ST6GALNAC3: variants seen among roughly 807,000 people sequenced by gnomAD.
ST6GALNAC3 encodes the protein ST6 N-acetylgalactosaminide alpha-2,6-sialyltransferase 3.
ST6GALNAC3 carries 25 observed loss-of-function variants against 32.7 expected under a neutral mutation model. The ratio of observed to expected loss-of-function variants is 0.76; its 90% CI spans 0.56 to 1.07. The LOEUF (loss-of-function observed/expected upper bound fraction) is 1.07, where lower values mean the gene tolerates loss of function less well. ST6GALNAC3 is among the 50% of genes least tolerant of loss of function. The pLI is 0.00. For synonymous variants in ST6GALNAC3, 129 were observed against 133.1 expected, an observed-to-expected ratio of 0.97 and a Z score of 0.21; for missense variants, 355 against 382.4, an observed-to-expected ratio of 0.93 and a Z score of 0.60.
intron 1 of ST6GALNAC3, among the ~76,000 whole-genome samples, chr1:76,274,191 TG>T (rs1178617788): frequency 4.6e-5 from 7 of 152,230 alleles, no homozygotes; most frequent in African/African-American, 1.7e-4. Flanking sequence ...TGTGCACCTG[TG>T]GGTACATTAT....
chr1:76,129,823 A>G (rs1194915764), intron 1 of ST6GALNAC3, among the ~76,000 whole-genome samples: 1 of 152,212 alleles, frequency 6.6e-6, no homozygotes, highest in Non-Finnish European at 1.5e-5. Flanking sequence ...GTGAGGCACC[A>G]GAAGAATCCA....
intron 3 of ST6GALNAC3, among the ~76,000 whole-genome samples, chr1:76,519,482 G>A (rs1662378086): frequency 6.6e-6 from 1 of 151,988 alleles, no homozygotes; most frequent in Admixed American, 6.6e-5. Flanking sequence ...ACCTTTCTTT[G>A]AAATGTGAGT....
intron 2 of ST6GALNAC3, among the ~76,000 whole-genome samples, chr1:76,362,481 C>A (rs1431375095): frequency 1.3e-5 from 2 of 152,174 alleles, no homozygotes; most frequent in Non-Finnish European, 1.5e-5. Context: ...AAAGTCTTAA[C>A]TCATTTCAGC....
At chr1:76,474,521 A>G (rs1557458766) in intron 3 of ST6GALNAC3, among the ~76,000 whole-genome samples, 1 of 152,138 alleles carries the variant, frequency 6.6e-6, no homozygotes, top group Non-Finnish European at 1.5e-5. Context: ...GATAAGTCCA[A>G]TTGGCAGTTG....
At chr1:76,386,807 G>A (rs1482548840) in intron 2 of ST6GALNAC3, among the ~76,000 whole-genome samples, 1 of 152,132 alleles carries the variant, frequency 6.6e-6, no homozygotes, top group African/African-American at 2.4e-5. Context: ...TCTGAAAGAG[G>A]AGTATTATCC....
intron 1 of ST6GALNAC3, among the ~76,000 whole-genome samples, chr1:76,290,487 T>C (rs1660022363): frequency 6.6e-6 from 1 of 152,216 alleles, no homozygotes; most frequent in African/African-American, 2.4e-5. Flanking sequence ...GTTTCTGTTT[T>C]GATTTTTTTA....
intron 2 of ST6GALNAC3, among the ~76,000 whole-genome samples, chr1:76,355,614 C>T (rs548214739): frequency 1.3e-5 from 2 of 152,340 alleles, no homozygotes; most frequent in South Asian, 2.1e-4. Flanking sequence ...TAACTTCCAC[C>T]ATAGCCCGAG....
At chr1:76,178,898 TC>T (rs1653007198) in intron 1 of ST6GALNAC3, among the ~76,000 whole-genome samples, 1 of 152,220 alleles carries the variant, frequency 6.6e-6, no homozygotes, top group Admixed American at 6.5e-5. Flanking sequence ...ATTTCTGTCT[TC>T]CTTGTCTACT....
intron 3 of ST6GALNAC3, among the ~76,000 whole-genome samples, chr1:76,619,826 C>T (rs1053775482): frequency 6.6e-6 from 1 of 152,058 alleles, no homozygotes; most frequent in African/African-American, 2.4e-5. Context: ...AGTACAACAT[C>T]ACAGGCCATT....
At chr1:76,537,333 C>T (rs531872895) in intron 3 of ST6GALNAC3, among the ~76,000 whole-genome samples, 4 of 151,978 alleles carry the variant, frequency 2.6e-5, no homozygotes, top group Admixed American at 6.6e-5. Context: ...CAGTGTTAAG[C>T]GGGAAATTTA....
intron 1 of ST6GALNAC3, among the ~76,000 whole-genome samples, chr1:76,139,552 G>T (rs1650185640): frequency 6.6e-6 from 1 of 152,118 alleles, no homozygotes; most frequent in South Asian, 2.1e-4. Flanking sequence ...CTTTTAAACT[G>T]GTATAGCTTT....
intron 1 of ST6GALNAC3, among the ~76,000 whole-genome samples, chr1:76,140,169 T>A (rs1367902971): frequency 2.0e-5 from 3 of 152,212 alleles, no homozygotes; most frequent in African/African-American, 7.2e-5. Context: ...CTTATTGTTT[T>A]TTTTGGTGAA....
chr1:76,600,753 A>G (rs576683663), intron 3 of ST6GALNAC3, among the ~76,000 whole-genome samples: 5 of 152,370 alleles, frequency 3.3e-5, no homozygotes, highest in Non-Finnish European at 5.9e-5. Context: ...ACTTATGAAT[A>G]TGGATTGGCT....
intron 1 of ST6GALNAC3, among the ~76,000 whole-genome samples, chr1:76,237,784 A>G (rs1382102795): frequency 1.3e-5 from 2 of 152,334 alleles, no homozygotes; most frequent in Non-Finnish European, 2.9e-5. Context: ...TGTCATGTGG[A>G]AAGTTTTGTT....
At chr1:76,139,542 C>G (rs1408092995) in intron 1 of ST6GALNAC3, among the ~76,000 whole-genome samples, 2 of 152,138 alleles carry the variant, frequency 1.3e-5, no homozygotes, top group Non-Finnish European at 2.9e-5. Flanking sequence ...AAGCTGAAAG[C>G]TTTTAAACTG....
In ST6GALNAC3 at chr1:76,631,089, G is replaced by C. The variant is rs1046382539; in HGVS notation, c.*2283G>C. 1.6e-5 allele frequency: 15 copies of C among 919,362 alleles called. No homozygotes were observed. Among genetic ancestry groups the C allele is most frequent in the Non-Finnish European group, 1.9e-5 (15 of 769,846 alleles). 57.0% of individuals were successfully genotyped at this position (919,362 alleles called of 1,614,324 possible). ...CCTCGTTGTAGCTTTCTCTGATGAA[G>C]ACTTCTGCAGTATATTGTATCCCTC... is the stretch of plus-strand genomic sequence containing the variant. On this transcript the variant is annotated 3_prime_UTR_variant, in exon 5 of 5. Coordinates refer to ENST00000328299, the MANE Select transcript of ST6GALNAC3 (RefSeq NM_152996.4).
Position 76,632,771 on chromosome 1 carries a change from A to C in ST6GALNAC3, c.*3965A>C, listed in dbSNP as rs948624014. On this transcript the variant is annotated 3_prime_UTR_variant, in exon 5 of 5. Coordinates refer to ENST00000328299, the MANE Select transcript of ST6GALNAC3 (RefSeq NM_152996.4). The stretch of plus-strand genomic sequence containing the variant: ...TGAGCTCGGTTTAATTTCAATAAGC[A>C]AGAAAATATAATCAGATGACTGATT... The C allele has an allele frequency of 2.6e-5, 4 of 152,044 alleles. No homozygotes were observed. The highest frequency in any genetic ancestry group is 1.3e-4 in the Admixed American group (2 of 15,252). The allele number at this position is 152,044 out of a possible 1,614,324, so 9.4% of individuals were successfully genotyped here.
chr1:76,105,193 A>G (rs1054598473), intron 1 of ST6GALNAC3, among the ~76,000 whole-genome samples: 1 of 111,404 alleles, frequency 9.0e-6, no homozygotes, highest in African/African-American at 3.4e-5. Context: ...CTCAAATGCA[A>G]CTCTTATCAA....
At chr1:76,360,957 A>G (rs1649879982) in intron 2 of ST6GALNAC3, among the ~76,000 whole-genome samples, 5 of 152,204 alleles carry the variant, frequency 3.3e-5, no homozygotes, top group Admixed American at 3.3e-4. Flanking sequence ...GCTAGAGGCT[A>G]ATTAAAGGAG....
Sources: allele counts gnomAD v4.1 joint callset (sites outside exome capture counted in the v4.1 genomes callset), GRCh38; gene constraint gnomAD v4.1.1; transcripts MANE v1.5; gene names NCBI Gene and HGNC (gene_info 2026-07-23, HGNC 2026-07-21).